The following ADORA2B variants were observed in gnomAD, a reference collection of about 807,000 sequenced individuals.
ADORA2B encodes adenosine A2b receptor.
A neutral mutation model predicts 20.8 loss-of-function variants in ADORA2B; 18 were observed. That is an observed-to-expected ratio of 0.87 (90% CI 0.60 to 1.29). The LOEUF (loss-of-function observed/expected upper bound fraction) is 1.29. Among genes scored for constraint, ADORA2B ranks in the 50% most tolerant of loss-of-function variants. The pLI, the probability that ADORA2B is intolerant of heterozygous loss-of-function variation, is 0.00. For synonymous variants in ADORA2B, 179 were observed against 178.3 expected (o/e 1.00, Z -0.03); for missense variants, 441 against 422.7 (o/e 1.04, Z -0.38).
At chr17:15,865,853 G>A in the ADORA2B span, among the ~76,000 whole-genome samples, 6 of 150,398 alleles carry the variant, frequency 4.0e-5, no homozygotes, top group East Asian at 9.7e-4. Context: ...TGGTTTTAGG[G>A]AGCGGAAAGT....
At chr17:15,947,544 C>T (rs914604373) in intron 1 of ADORA2B, among the ~76,000 whole-genome samples, 4 of 152,232 alleles carry the variant, frequency 2.6e-5, no homozygotes, top group East Asian at 1.9e-4. Flanking sequence ...CACTGAGGCT[C>T]GCCCCATCCT....
At chr17:15,937,999 C>T in the ADORA2B span, among the ~76,000 whole-genome samples, 2 of 152,126 alleles carry the variant, frequency 1.3e-5, no homozygotes, top group Non-Finnish European at 2.9e-5. Context: ...TTAAACTTTT[C>T]CCTCATCCAC....
At chr17:15,911,915 A>T in the ADORA2B span, among the ~76,000 whole-genome samples, 1 of 152,094 alleles carries the variant, frequency 6.6e-6, no homozygotes, top group African/African-American at 2.4e-5. Flanking sequence ...AAATTTTTTT[A>T]AAAATTAGCC....
chr17:15,920,351 G>A, the ADORA2B span, among the ~76,000 whole-genome samples: 6 of 152,124 alleles, frequency 3.9e-5, no homozygotes, highest in Non-Finnish European at 5.9e-5. Flanking sequence ...AACTGCAGTC[G>A]TATCCCCTAA....
At chr17:15,857,545 A>G in the ADORA2B span, among the ~76,000 whole-genome samples, 1 of 152,218 alleles carries the variant, frequency 6.6e-6, no homozygotes, top group Non-Finnish European at 1.5e-5. Context: ...TGTACCCTGC[A>G]AAGCCACAGG....
chr17:15,867,547 G>A, the ADORA2B span, among the ~76,000 whole-genome samples: 1 of 150,098 alleles, frequency 6.7e-6, no homozygotes, highest in African/African-American at 2.5e-5. Flanking sequence ...GTCTCCGCCC[G>A]GCAGCCACCC....
At position 15,945,473 on chromosome 17, in the gene ADORA2B, C is replaced by A. The variant is rs767274320; in HGVS notation, c.225C>A (p.Phe75Leu). Residue 75 changes from phenylalanine (F) to leucine (L), a missense_variant, in exon 1 of 2, where the codon TTC (phenylalanine) becomes TTA (leucine). Phe to Leu is a conservative substitution (Grantham distance 22, BLOSUM62 0). Coordinates refer to ENST00000304222, the MANE Select transcript of ADORA2B (RefSeq NM_000676.4). ...ITISLGFCTD[F>L]YGCLFLACFV... ...TCAGCCTGGGCTTCTGCACTGACTTCTACGGCTGCCTCTTCCTCGCCTGCT... is the reference window on the plus strand; with the variant it reads ...TCAGCCTGGGCTTCTGCACTGACTTATACGGCTGCCTCTTCCTCGCCTGCT... The A allele has an allele frequency of 1.2e-6, 2 of 1,613,108 alleles. No individual in the cohort carries two copies. The highest frequency in any genetic ancestry group is 3.3e-5 in the Admixed American group (2 of 60,008).
At chr17:15,855,021 C>G in the ADORA2B span, among the ~76,000 whole-genome samples, 1 of 151,966 alleles carries the variant, frequency 6.6e-6, no homozygotes, top group Non-Finnish European at 1.5e-5. Flanking sequence ...CCTCCACCTC[C>G]TGGGTTCAAG....
chr17:15,872,368 G>A, the ADORA2B span, among the ~76,000 whole-genome samples: 1 of 152,022 alleles, frequency 6.6e-6, no homozygotes, highest in Non-Finnish European at 1.5e-5. Flanking sequence ...GTTCTTTTTG[G>A]TTAGGATCGC....
Position 15,975,353 on chromosome 17 carries a change from C to T in ADORA2B, c.*11C>T, listed in dbSNP as rs377355316. 140 of 1,600,598 alleles carry T rather than the reference C, an allele frequency of 8.7e-5. 3 individuals are homozygous for T. The highest frequency in any genetic ancestry group is 3.4e-4 in the Admixed American group (20 of 58,256). On this transcript the variant is annotated 3_prime_UTR_variant, in exon 2 of 2. Coordinates refer to ENST00000304222, the MANE Select transcript of ADORA2B (RefSeq NM_000676.4). Reference sequence around the variant, plus strand: ...GGTGTGGGCCTATGATCTAGGCTCTCGCCTCTTCCAGGAGAAGATACAAAT... The same window carrying T: ...GGTGTGGGCCTATGATCTAGGCTCTTGCCTCTTCCAGGAGAAGATACAAAT...
the ADORA2B span, among the ~76,000 whole-genome samples, chr17:15,882,590 A>T: frequency 6.6e-6 from 1 of 152,232 alleles, no homozygotes; most frequent in African/African-American, 2.4e-5. Flanking sequence ...AAAACAAAAG[A>T]AAGGTTCTTA....
the ADORA2B span, among the ~76,000 whole-genome samples, chr17:15,893,375 T>G: frequency 2.0e-5 from 3 of 152,232 alleles, no homozygotes; most frequent in Admixed American, 1.3e-4. Context: ...TTTCTTTCTG[T>G]TTTTGCTTTT....
At chr17:15,941,138 C>T (rs1190259157), upstream of ADORA2B, among the ~76,000 whole-genome samples, 3 of 152,134 alleles carry the variant, frequency 2.0e-5, no homozygotes, top group Admixed American at 1.3e-4. Context: ...CCACTTTCAC[C>T]AGTGAAAGTC....
intron 1 of ADORA2B, among the ~76,000 whole-genome samples, chr17:15,971,281 G>T (rs1041693646): frequency 1.3e-5 from 2 of 152,230 alleles, no homozygotes; most frequent in African/African-American, 4.8e-5. Flanking sequence ...CACATCTCCA[G>T]TGAGGCAATG....
chr17:15,927,187 A>G, the ADORA2B span, among the ~76,000 whole-genome samples: 1 of 152,126 alleles, frequency 6.6e-6, no homozygotes, highest in African/African-American at 2.4e-5. Context: ...TCTCTACTAA[A>G]AATACAAAAA....
intron 1 of ADORA2B, among the ~76,000 whole-genome samples, chr17:15,962,342 C>G (rs1164459414): frequency 6.6e-6 from 1 of 152,070 alleles, no homozygotes; most frequent in Non-Finnish European, 1.5e-5. Context: ...CAAAACAAAA[C>G]AAAACAAAAT....
the ADORA2B span, among the ~76,000 whole-genome samples, chr17:15,935,524 G>C: frequency 2.0e-5 from 3 of 152,058 alleles, no homozygotes; most frequent in African/African-American, 7.2e-5. Context: ...AGTGTGTCTA[G>C]GTGTAGATAT....
At chr17:15,895,059 T>C in the ADORA2B span, among the ~76,000 whole-genome samples, 1 of 152,154 alleles carries the variant, frequency 6.6e-6, no homozygotes, top group Non-Finnish European at 1.5e-5. Context: ...GGCCGTCTGC[T>C]GACAAAATTC....
the ADORA2B span, among the ~76,000 whole-genome samples, chr17:15,875,766 A>G: frequency 6.6e-6 from 1 of 152,036 alleles, no homozygotes; most frequent in African/African-American, 2.4e-5. Flanking sequence ...TATTTTTAGT[A>G]GACGGAGTTT....
Sources: allele counts gnomAD v4.1 joint callset (sites outside exome capture counted in the v4.1 genomes callset), GRCh38; gene constraint gnomAD v4.1.1; transcripts MANE v1.5; gene names NCBI Gene and HGNC (gene_info 2026-07-23, HGNC 2026-07-21).